Variants in ATXN7L1 observed in about 807,000 individuals in gnomAD.
ATXN7L1 encodes the protein ataxin-7-like protein 1.
In ATXN7L1, 15 loss-of-function variants were observed where a neutral mutation model predicts 70.8. The ratio of observed to expected loss-of-function variants is 0.21; its 90% confidence interval spans 0.14 to 0.33. The LOEUF (loss-of-function observed/expected upper bound fraction) is 0.33, where lower values mean the gene tolerates loss of function less well. ATXN7L1 is among the 10% of genes least tolerant of loss of function. The pLI is 1.00. For missense variants in ATXN7L1, 975 were observed against 1,097.1 expected (o/e 0.89, Z 1.57); for synonymous variants, 440 against 445.1 (o/e 0.99, Z 0.14).
At chr7:105,706,080 G>A (rs1050674000) in intron 3 of ATXN7L1, among the ~76,000 whole-genome samples, 1 of 152,222 alleles carries the variant, frequency 6.6e-6, no homozygotes, top group Admixed American at 6.5e-5. Context: ...AGGGATCAGT[G>A]GGCAGCAGTC....
At chr7:105,793,645 T>G (rs1805567287) in intron 2 of ATXN7L1, among the ~76,000 whole-genome samples, 1 of 152,164 alleles carries the variant, frequency 6.6e-6, no homozygotes, top group Non-Finnish European at 1.5e-5. Flanking sequence ...ATGTGCCCAA[T>G]GAAGACGGAA....
chr7:105,718,880 G>A (rs974036748), intron 3 of ATXN7L1, among the ~76,000 whole-genome samples: 6 of 152,190 alleles, frequency 3.9e-5, no homozygotes, highest in Non-Finnish European at 7.3e-5. Flanking sequence ...GCTTGGGAGA[G>A]AGGATTTATC....
intron 8 of ATXN7L1, among the ~76,000 whole-genome samples, chr7:105,622,190 C>T (rs1795033009): frequency 6.6e-6 from 1 of 152,166 alleles, no homozygotes; most frequent in Non-Finnish European, 1.5e-5. Flanking sequence ...AAATCTGTGG[C>T]CTTTCCATTT....
Position 105,643,046 on chromosome 7 carries a change from G to C in ATXN7L1, c.654C>G (p.Asn218Lys). ...CAGAAACTGCAGTAGTGGTTGTGGA[G>C]TTCATTTTGACATTGGCACCATCTG... ...VKADGANVKM[N>K]STTTTAVSAS... The change falls in exon 5 of 12, where the codon AAC (asparagine) becomes AAG (lysine). Residue 218 changes from asparagine (N) to lysine (K), a missense_variant. This residue lies in a region of ATXN7L1 where 192 missense variants were observed against 215.5 expected (regional missense o/e 0.89). Coordinates refer to ENST00000419735, the MANE Select transcript of ATXN7L1 (RefSeq NM_020725.2). 1.9e-6 allele frequency: 3 copies of C among 1,550,794 alleles called. No individual in the cohort carries two copies. Among genetic ancestry groups the C allele is most frequent in the Non-Finnish European group, 2.6e-6 (3 of 1,146,282 alleles).
At chr7:105,613,820 G>A (rs1793424008) in intron 10 of ATXN7L1, 42 bp downstream of exon 10, 1 of 1,551,472 alleles carries the variant, frequency 6.4e-7, no homozygotes, top group South Asian at 1.2e-5. Context: ...AGCTCCCCCT[G>A]CCCCCCAGAG....
chr7:105,613,662 G>C, intron 10 of ATXN7L1, 200 bp downstream of exon 10: 1 of 1,443,470 alleles, frequency 6.9e-7, no homozygotes, highest in Non-Finnish European at 9.1e-7. Context: ...CGAGAACAGT[G>C]TCTAGCACAT....
intron 2 of ATXN7L1, among the ~76,000 whole-genome samples, chr7:105,793,153 T>A (rs1248704705): frequency 6.6e-6 from 1 of 152,232 alleles, no homozygotes; most frequent in African/African-American, 2.4e-5. Context: ...AAAACCAGTT[T>A]GGAAGGGCTT....
intron 4 of ATXN7L1, among the ~76,000 whole-genome samples, chr7:105,659,689 G>A (rs1801274417): frequency 6.6e-6 from 1 of 152,012 alleles, no homozygotes; most frequent in Non-Finnish European, 1.5e-5. Context: ...CTCTTTCCCT[G>A]TCCCAATCCT....
At chr7:105,874,689 T>C (rs1818759487) in intron 2 of ATXN7L1, among the ~76,000 whole-genome samples, 1 of 152,210 alleles carries the variant, frequency 6.6e-6, no homozygotes, top group Non-Finnish European at 1.5e-5. Context: ...CAAAATTTCC[T>C]CTCAGTGGAT....
At chr7:105,740,786 A>ATTTTTTTTTTTTTTTTTTTTTTTT (rs1481143764) in intron 3 of ATXN7L1, among the ~76,000 whole-genome samples, 1 of 40,688 alleles carries the variant, frequency 2.5e-5, no homozygotes, top group Non-Finnish European at 3.7e-5. Flanking sequence ...TTTTTTTTTA[A>ATTTTTTTTTTTTTTTTTTTTTTTT]TGGAGTCTCA....
intron 3 of ATXN7L1, among the ~76,000 whole-genome samples, chr7:105,743,876 G>C (rs1798282709): frequency 6.6e-6 from 1 of 152,194 alleles, no homozygotes; most frequent in South Asian, 2.1e-4. Context: ...CAGCAATCCT[G>C]AACATTAATC....
At chr7:105,633,260 A>C (rs1796868272) in intron 7 of ATXN7L1, among the ~76,000 whole-genome samples, 1 of 152,226 alleles carries the variant, frequency 6.6e-6, no homozygotes. Flanking sequence ...CTTCATCAAA[A>C]TTTAAAGGCA....
At chr7:105,626,646 T>C (rs1324299510) in intron 7 of ATXN7L1, among the ~76,000 whole-genome samples, 1 of 152,074 alleles carries the variant, frequency 6.6e-6, no homozygotes, top group Non-Finnish European at 1.5e-5. Flanking sequence ...AGAACGCATC[T>C]CTCCCGACGT....
intron 7 of ATXN7L1, among the ~76,000 whole-genome samples, chr7:105,627,522 C>T (rs1407110055): frequency 2.0e-5 from 3 of 148,842 alleles, no homozygotes; most frequent in Non-Finnish European, 4.4e-5. Context: ...AGGTGTGAGC[C>T]ACTGTGCTAG....
intron 3 of ATXN7L1, among the ~76,000 whole-genome samples, chr7:105,752,839 C>T (rs1799367502): frequency 6.6e-6 from 1 of 152,148 alleles, no homozygotes; most frequent in Admixed American, 6.5e-5. Context: ...GTGGCCGCAC[C>T]CTGAACAAAG....
intron 3 of ATXN7L1, among the ~76,000 whole-genome samples, chr7:105,672,630 C>A (rs1216467087): frequency 2.0e-5 from 3 of 152,284 alleles, no homozygotes; most frequent in South Asian, 2.1e-4. Context: ...AACATCAGAT[C>A]TGGGGATGTT....
chr7:105,717,812 A>G (rs1794743421), intron 3 of ATXN7L1, among the ~76,000 whole-genome samples: 1 of 152,124 alleles, frequency 6.6e-6, no homozygotes, highest in South Asian at 2.1e-4. Context: ...GAGGTTGAAC[A>G]TTTTTCAGGT....
intron 3 of ATXN7L1, among the ~76,000 whole-genome samples, chr7:105,736,729 C>G (rs1797420608): frequency 6.6e-6 from 1 of 152,204 alleles, no homozygotes; most frequent in Non-Finnish European, 1.5e-5. Context: ...TATTTACGGA[C>G]CAGCTCTTCC....
chr7:105,873,885 C>T lies in ATXN7L1; in HGVS notation c.250+1927G>A, dbSNP rs931634679. 4.6e-5 allele frequency among the ~76,000 whole-genome samples: 7 copies of T among 152,138 alleles called. No individual in the cohort carries two copies. In the East Asian group the frequency reaches 1.2e-3, roughly 25 times the overall value. On this transcript the variant is annotated intron_variant, in intron 2 of 11. Transcript: ENST00000419735. ...GCTCATGCCTGTAATTCCAGCACTT[C>T]GGGAGGCCAAGTGGGCAGATCACGA... is the stretch of plus-strand genomic sequence containing the variant.
Sources: gnomAD v4.1 joint callset for allele counts (sites outside exome capture counted in the v4.1 genomes callset) on GRCh38, gnomAD v4.1.1 for gene constraint, gnomAD v4.1.1 regional missense constraint, MANE v1.5 for transcripts, NCBI Gene and HGNC (gene_info 2026-07-23, HGNC 2026-07-21) for gene names.